Variants in EVI5 observed in about 807,000 individuals in gnomAD.
EVI5 encodes the protein ecotropic viral integration site 5 protein homolog.
EVI5 carries 73 observed loss-of-function variants against 112.0 expected under a neutral mutation model. The ratio of observed to expected loss-of-function variants is 0.65; its 90% CI spans 0.54 to 0.79. EVI5 has a LOEUF of 0.79. EVI5 is among the 30% of genes least tolerant of loss of function. The pLI is 0.00. For synonymous variants in EVI5, 305 were observed against 319.9 expected, an observed-to-expected ratio of 0.95 and a Z score of 0.50; for missense variants, 900 against 968.8, an observed-to-expected ratio of 0.93 and a Z score of 0.94.
intron 19 of EVI5, among the ~76,000 whole-genome samples, chr1:92,527,128 T>C (rs1003365842): frequency 1.3e-5 from 2 of 152,074 alleles, no homozygotes; most frequent in Non-Finnish European, 2.9e-5. Context: ...CAAGAATGTA[T>C]TTAGGGCCAG....
intron 16 of EVI5, among the ~76,000 whole-genome samples, chr1:92,623,825 G>A (rs1655082917): frequency 2.0e-5 from 3 of 152,194 alleles, no homozygotes; most frequent in South Asian, 2.1e-4. Context: ...GACCAGCTCC[G>A]TAAAACAAAG....
Position 92,512,642 on chromosome 1 carries a change from C to G in EVI5, c.*1014G>C, listed in dbSNP as rs1367801958. On this transcript the variant is annotated 3_prime_UTR_variant, in exon 20 of 20. Coordinates refer to ENST00000684568, the MANE Select transcript of EVI5 (RefSeq NM_001350197.2). Reference sequence around the variant, plus strand: ...AACAAAACAGTATGTCTGTAGTTAACCTACTACTCTAGTAACCAACACATG... The same window carrying G: ...AACAAAACAGTATGTCTGTAGTTAAGCTACTACTCTAGTAACCAACACATG... The G allele has an allele frequency of 6.6e-6, 1 of 152,102 alleles. No individual in the cohort carries two copies. Among genetic ancestry groups the G allele is most frequent in the Admixed American group, 6.6e-5 (1 of 15,262 alleles). The allele number at this position is 152,102 out of a possible 1,614,324, so 9.4% of individuals were successfully genotyped here.
intron 19 of EVI5, among the ~76,000 whole-genome samples, chr1:92,555,716 G>A (rs936595880): frequency 9.2e-5 from 14 of 151,896 alleles, no homozygotes; most frequent in East Asian, 1.9e-4. Flanking sequence ...CAGGTGTGGC[G>A]GCATGTGCCT....
intron 19 of EVI5, among the ~76,000 whole-genome samples, chr1:92,519,463 G>A (rs764121840): frequency 1.3e-5 from 2 of 152,080 alleles, no homozygotes; most frequent in Non-Finnish European, 2.9e-5. Context: ...AACACACCAA[G>A]CAAATGAAAA....
At chr1:92,789,155 G>A (rs967990307), upstream of EVI5, among the ~76,000 whole-genome samples, 3 of 152,068 alleles carry the variant, frequency 2.0e-5, no homozygotes, top group African/African-American at 4.8e-5. Flanking sequence ...TCATCTACTA[G>A]ATCGAGAGCT....
At chr1:92,543,077 A>G (rs1422607293) in intron 19 of EVI5, among the ~76,000 whole-genome samples, 1 of 152,162 alleles carries the variant, frequency 6.6e-6, no homozygotes, top group African/African-American at 2.4e-5. Flanking sequence ...CTAACGAGAG[A>G]GCCATTTGAA....
intron 1 of EVI5, among the ~76,000 whole-genome samples, chr1:92,772,318 C>T (rs1408072738): frequency 2.6e-5 from 4 of 151,782 alleles, no homozygotes; most frequent in Non-Finnish European, 4.4e-5. Flanking sequence ...AGAAACTGGC[C>T]AGGCGAGGTG....
At position 92,625,610 on chromosome 1, in the gene EVI5, T is replaced by A. The variant is rs1655500067; in HGVS notation, c.1668+184A>T. The A allele has an allele frequency of 1.4e-5, 7 of 500,322 alleles. No homozygotes were observed. In the East Asian group the frequency reaches 2.1e-4, roughly 15 times the overall value. The allele number at this position is 500,322 out of a possible 1,614,324, so 31.0% of individuals were successfully genotyped here. On this transcript the variant is annotated intron_variant, in intron 15 of 19. Coordinates refer to ENST00000684568, the MANE Select transcript of EVI5 (RefSeq NM_001350197.2). ...TGTATCTTTTATTTTATTATAAGAATTAAAGAGGGAGAAACAGCTTAAGTG... is the reference window on the plus strand; with the variant it reads ...TGTATCTTTTATTTTATTATAAGAAATAAAGAGGGAGAAACAGCTTAAGTG...
At chr1:92,653,381 T>C (rs1300533806) in intron 13 of EVI5, among the ~76,000 whole-genome samples, 1 of 152,222 alleles carries the variant, frequency 6.6e-6, no homozygotes, top group African/African-American at 2.4e-5. Context: ...TACTTTCCTG[T>C]GCCCAAGAGC....
At chr1:92,555,541 G>T (rs1466771476) in intron 19 of EVI5, among the ~76,000 whole-genome samples, 1 of 152,098 alleles carries the variant, frequency 6.6e-6, no homozygotes, top group Non-Finnish European at 1.5e-5. Context: ...AATAAAGACT[G>T]GTAGAAATAG....
intron 19 of EVI5, among the ~76,000 whole-genome samples, chr1:92,546,817 A>C (rs998706229): frequency 5.9e-5 from 9 of 152,214 alleles, no homozygotes; most frequent in African/African-American, 2.2e-4. Context: ...AACACGTATC[A>C]CCCAATACAG....
chr1:92,531,880 C>T (rs1265120122), intron 19 of EVI5, among the ~76,000 whole-genome samples: 3 of 152,176 alleles, frequency 2.0e-5, no homozygotes, highest in Non-Finnish European at 4.4e-5. Context: ...ACTGCAACAA[C>T]TAACGGGCAA....
chr1:92,727,910 C>G (rs1351568079), intron 2 of EVI5, among the ~76,000 whole-genome samples: 4 of 151,582 alleles, frequency 2.6e-5, no homozygotes, highest in Admixed American at 1.3e-4. Context: ...GGAAGAACTG[C>G]TTGAGTCTGG....
chr1:92,557,065 A>C (rs1667781462), intron 19 of EVI5, among the ~76,000 whole-genome samples: 1 of 152,194 alleles, frequency 6.6e-6, no homozygotes, highest in African/African-American at 2.4e-5. Context: ...TACTTAAAAA[A>C]AGCTTCCTGT....
rs537749246 is a variant in EVI5 at position 92,616,103 on chromosome 1, C to T, written c.1827+8073G>A. On this transcript the variant is annotated intron_variant, in intron 16 of 19. Transcript: ENST00000684568. ...TGGCCCACTGTGAGAGAGCTGGAAA[C>T]GCCTGATCTCCCTTGGTTTAATGTA... Among the ~76,000 whole-genome samples, 18 of 152,244 alleles carry T rather than the reference C, an allele frequency of 1.2e-4. No homozygotes were observed. In the South Asian group the frequency reaches 1.2e-3, roughly 11 times the overall value.
At chr1:92,668,880 C>A (rs1009131540) in intron 10 of EVI5, among the ~76,000 whole-genome samples, 1 of 152,160 alleles carries the variant, frequency 6.6e-6, no homozygotes, top group South Asian at 2.1e-4. Flanking sequence ...CTAATATCCC[C>A]TGTTCTTACA....
intron 2 of EVI5, among the ~76,000 whole-genome samples, chr1:92,729,015 T>C (rs1231584750): frequency 1.3e-5 from 2 of 152,178 alleles, no homozygotes; most frequent in African/African-American, 4.8e-5. Context: ...ATGCTGGCAA[T>C]TTGAATATGT....
intron 19 of EVI5, among the ~76,000 whole-genome samples, chr1:92,516,548 T>A (rs1659916741): frequency 6.6e-6 from 1 of 152,194 alleles, no homozygotes; most frequent in Non-Finnish European, 1.5e-5. Context: ...CCCTTAGACT[T>A]AGGTGTGTGC....
At chr1:92,651,415 T>C (rs1662068927) in intron 13 of EVI5, among the ~76,000 whole-genome samples, 1 of 152,236 alleles carries the variant, frequency 6.6e-6, no homozygotes, top group South Asian at 2.1e-4. Context: ...TATTTAAATG[T>C]CTATTTGATA....
Sources: allele counts gnomAD v4.1 joint callset (sites outside exome capture counted in the v4.1 genomes callset), GRCh38; gene constraint gnomAD v4.1.1; transcripts MANE v1.5; gene names NCBI Gene and HGNC (gene_info 2026-07-23, HGNC 2026-07-21).